Variants in CDH13 observed in about 807,000 individuals in gnomAD.
CDH13 encodes cadherin-13.
Under a neutral mutation model 63.8 loss-of-function variants are expected in CDH13, and 24 were observed. The ratio of observed to expected loss-of-function variants is 0.38; its 90% CI spans 0.27 to 0.53. The LOEUF (loss-of-function observed/expected upper bound fraction) is 0.53, where lower values mean the gene tolerates loss of function less well. CDH13 is among the 20% of genes least tolerant of loss of function. CDH13 has a pLI of 0.85. For synonymous variants in CDH13, 503 were observed against 355.3 expected, an observed-to-expected ratio of 1.42 and a Z score of -4.67; for missense variants, 1,049 against 903.1, an observed-to-expected ratio of 1.16 and a Z score of -2.07.
chr16:83,368,938 A>ATATATATATATAT (rs60900726), intron 6 of CDH13, among the ~76,000 whole-genome samples: 1 of 55,430 alleles, frequency 1.8e-5, no homozygotes, highest in Non-Finnish European at 3.3e-5. Context: ...ATATATATAT[A>ATATATATATATAT]CTAGGTTTTT....
At chr16:82,881,276 C>T (rs1050957652) in intron 2 of CDH13, among the ~76,000 whole-genome samples, 9 of 152,070 alleles carry the variant, frequency 5.9e-5, no homozygotes, top group East Asian at 5.8e-4. Context: ...TTGAAGTCTC[C>T]GGAAAGCTGA....
chr16:83,261,533 T>A (rs565879763), intron 5 of CDH13, among the ~76,000 whole-genome samples: 2 of 152,050 alleles, frequency 1.3e-5, no homozygotes, highest in African/African-American at 4.8e-5. Flanking sequence ...TATCTATTAG[T>A]ATCTATTTCT....
intron 1 of CDH13, among the ~76,000 whole-genome samples, chr16:82,715,845 T>C (rs988339418): frequency 6.6e-6 from 1 of 152,176 alleles, no homozygotes; most frequent in African/African-American, 2.4e-5. Context: ...TTTCCCCTGC[T>C]CTCAAAACAT....
intron 7 of CDH13, among the ~76,000 whole-genome samples, chr16:83,553,745 T>A (rs141056231): frequency 0.063 from 9,663 of 152,208 alleles, 392 homozygotes; most frequent in Non-Finnish European, 0.095. Flanking sequence ...TTAGTAGAGA[T>A]GGGGTTTCAT....
chr16:82,801,125 C>T (rs987597327), intron 1 of CDH13, among the ~76,000 whole-genome samples: 1 of 152,154 alleles, frequency 6.6e-6, no homozygotes, highest in Non-Finnish European at 1.5e-5. Flanking sequence ...TCTTAAGAAA[C>T]AGAAAGTGTC....
At chr16:82,789,640 A>G (rs2036190723) in intron 1 of CDH13, among the ~76,000 whole-genome samples, 1 of 152,222 alleles carries the variant, frequency 6.6e-6, no homozygotes, top group Non-Finnish European at 1.5e-5. Flanking sequence ...TACAAGAGCA[A>G]CCTACTTTTT....
chr16:83,176,343 C>A (rs894060989), intron 4 of CDH13, among the ~76,000 whole-genome samples: 2 of 151,528 alleles, frequency 1.3e-5, no homozygotes, highest in Non-Finnish European at 2.9e-5. Context: ...AACCCTGTCT[C>A]TTCTAAAAAT....
chr16:83,321,579 A>T (rs377493885), intron 5 of CDH13, among the ~76,000 whole-genome samples: 123 of 119,306 alleles, frequency 1.0e-3, no homozygotes, highest in East Asian at 6.9e-3. Flanking sequence ...CCTAGGCTGG[A>T]GTGCAGTGGC....
intron 11 of CDH13, among the ~76,000 whole-genome samples, chr16:83,771,362 A>G (rs1415605968): frequency 1.3e-5 from 2 of 152,206 alleles, no homozygotes; most frequent in Non-Finnish European, 2.9e-5. Flanking sequence ...TACAAGGTTA[A>G]TTATTGGAGT....
chr16:82,681,746 G>A (rs565324982), intron 1 of CDH13, among the ~76,000 whole-genome samples: 10 of 152,194 alleles, frequency 6.6e-5, no homozygotes, highest in South Asian at 2.1e-4. Flanking sequence ...GCCAAAGCCC[G>A]TGTCCACGCA....
intron 10 of CDH13, among the ~76,000 whole-genome samples, chr16:83,746,543 G>T (rs372506454): frequency 1.3e-5 from 2 of 152,058 alleles, no homozygotes; most frequent in African/African-American, 2.4e-5. Context: ...GTGAAGACTC[G>T]GGGTTAACTT....
chr16:83,501,229 C>G (rs1598166074), intron 7 of CDH13, among the ~76,000 whole-genome samples: 1 of 152,146 alleles, frequency 6.6e-6, no homozygotes, highest in African/African-American at 2.4e-5. Context: ...TTATTTCTAC[C>G]TTTGTGAAGA....
At chr16:83,155,349 A>G (rs953647669) in intron 4 of CDH13, among the ~76,000 whole-genome samples, 1 of 152,166 alleles carries the variant, frequency 6.6e-6, no homozygotes. Context: ...TGGCCCTTAA[A>G]TTGTCTGGAC....
At chr16:82,720,115 T>C (rs1158825365) in intron 1 of CDH13, among the ~76,000 whole-genome samples, 4 of 152,088 alleles carry the variant, frequency 2.6e-5, no homozygotes, top group African/African-American at 9.7e-5. Flanking sequence ...GAAAGATGAA[T>C]AAAAACAAGT....
intron 6 of CDH13, among the ~76,000 whole-genome samples, chr16:83,421,156 G>A (rs560200114): frequency 2.0e-4 from 31 of 151,952 alleles, no homozygotes; most frequent in Admixed American, 1.8e-3. Context: ...TTCCAGTACT[G>A]GAGGAGAAAG....
At chr16:83,230,829 T>C (rs2039981763) in intron 5 of CDH13, among the ~76,000 whole-genome samples, 2 of 152,176 alleles carry the variant, frequency 1.3e-5, no homozygotes, top group South Asian at 4.1e-4. Context: ...CAAGTATTTC[T>C]TGGGAATGCC....
intron 1 of CDH13, among the ~76,000 whole-genome samples, chr16:82,805,090 G>A (rs1320924517): frequency 6.6e-6 from 1 of 152,202 alleles, no homozygotes; most frequent in African/African-American, 2.4e-5. Context: ...AACAGTAGAA[G>A]AGAGTGTGGA....
At chr16:83,753,688 C>G (rs1056968737) in intron 11 of CDH13, among the ~76,000 whole-genome samples, 3 of 151,990 alleles carry the variant, frequency 2.0e-5, no homozygotes, top group Admixed American at 2.0e-4. Context: ...AAAGCTGAAC[C>G]AAAATAAATT....
chr16:83,104,973 G>T (rs189267260), intron 3 of CDH13, among the ~76,000 whole-genome samples: 3 of 152,122 alleles, frequency 2.0e-5, no homozygotes, highest in African/African-American at 4.8e-5. Context: ...AGAAAGGAAC[G>T]TGCCATTCTT....
Sources: gnomAD v4.1 joint callset for allele counts (sites outside exome capture counted in the v4.1 genomes callset) on GRCh38, gnomAD v4.1.1 for gene constraint, MANE v1.5 for transcripts, NCBI Gene and HGNC (gene_info 2026-07-23, HGNC 2026-07-21) for gene names.